Variants in CPNE4 observed in about 807,000 individuals in gnomAD.
CPNE4 encodes copine 4, also known as copine-4.
Under a neutral mutation model 67.9 loss-of-function variants are expected in CPNE4, and 25 were observed. The observed-to-expected ratio is 0.37, with a 90% CI of 0.27 to 0.51. CPNE4 has a LOEUF of 0.51. Among genes scored for constraint, CPNE4 ranks in the 20% least tolerant of loss-of-function variants. CPNE4 has a pLI of 0.93. For missense variants in CPNE4, 464 were observed against 690.8 expected (o/e 0.67, Z 3.68); for synonymous variants, 242 against 244.9 (o/e 0.99, Z 0.11).
intron 2 of CPNE4, among the ~76,000 whole-genome samples, chr3:131,764,593 T>TG (rs1398910237): frequency 5.3e-5 from 8 of 152,106 alleles, no homozygotes; most frequent in African/African-American, 1.9e-4. Flanking sequence ...CAGTATACAT[T>TG]GTTACACTCC....
chr3:131,681,256 A>T (rs1015222195), intron 6 of CPNE4, among the ~76,000 whole-genome samples: 1 of 152,134 alleles, frequency 6.6e-6, no homozygotes, highest in Non-Finnish European at 1.5e-5. Flanking sequence ...CCTTCAGATG[A>T]TTTCTTATTG....
chr3:131,874,280 G>A (rs1216220116), intron 2 of CPNE4, among the ~76,000 whole-genome samples: 1 of 152,040 alleles, frequency 6.6e-6, no homozygotes, highest in Non-Finnish European at 1.5e-5. Context: ...AGTAGAGACG[G>A]GGTTGCACCA....
At chr3:131,934,146 GT>G (rs974900561) in intron 1 of CPNE4, among the ~76,000 whole-genome samples, 4 of 152,090 alleles carry the variant, frequency 2.6e-5, no homozygotes, top group African/African-American at 9.7e-5. Flanking sequence ...ATAGAACTAT[GT>G]TAAATGCTGT....
At chr3:131,712,137 A>C (rs2081573631) in intron 3 of CPNE4, among the ~76,000 whole-genome samples, 1 of 152,218 alleles carries the variant, frequency 6.6e-6, no homozygotes, top group African/African-American at 2.4e-5. Context: ...CACAATGTTT[A>C]CGTGTCTTAC....
intron 1 of CPNE4, among the ~76,000 whole-genome samples, chr3:132,029,223 G>A (rs2074186251): frequency 6.6e-6 from 1 of 152,264 alleles, no homozygotes; most frequent in Middle Eastern, 3.4e-3. Context: ...CCTGTCACGA[G>A]GAGTTTTGAG....
intron 2 of CPNE4, among the ~76,000 whole-genome samples, chr3:131,883,239 C>A (rs2087750617): frequency 6.6e-6 from 1 of 152,116 alleles, no homozygotes; most frequent in Non-Finnish European, 1.5e-5. Flanking sequence ...TTGATGCAAC[C>A]TCAATCTGGA....
At chr3:131,792,896 T>TGTG (rs1185346264) in intron 2 of CPNE4, among the ~76,000 whole-genome samples, 1 of 78,122 alleles carries the variant, frequency 1.3e-5, no homozygotes, top group African/African-American at 4.7e-5. Flanking sequence ...ATTTCCAGTG[T>TGTG]GTGTGTGTGT....
chr3:131,958,347 T>C (rs1255121710), intron 1 of CPNE4, among the ~76,000 whole-genome samples: 3 of 152,138 alleles, frequency 2.0e-5, no homozygotes, highest in Admixed American at 6.5e-5. Flanking sequence ...ATCACACCAA[T>C]GGTCTCAGTG....
chr3:131,843,525 A>G (rs1240374843), intron 2 of CPNE4, among the ~76,000 whole-genome samples: 1 of 152,206 alleles, frequency 6.6e-6, no homozygotes, highest in Non-Finnish European at 1.5e-5. Context: ...TACATTTTTA[A>G]AAGATGAAGT....
intron 7 of CPNE4, among the ~76,000 whole-genome samples, chr3:131,608,960 T>G (rs894501549): frequency 6.6e-6 from 1 of 152,086 alleles, no homozygotes; most frequent in Non-Finnish European, 1.5e-5. Context: ...ATGCTCTTCC[T>G]TCTGCCTGGA....
At chr3:131,880,850 C>T (rs4854852) in intron 2 of CPNE4, among the ~76,000 whole-genome samples, 96,360 of 152,044 alleles carry the variant, frequency 0.63, 30,763 homozygotes, top group Admixed American at 0.72. Context: ...ACACAAGATG[C>T]GTTATAATAG....
At chr3:131,880,803 TC>T (rs2087645393) in intron 2 of CPNE4, among the ~76,000 whole-genome samples, 1 of 152,218 alleles carries the variant, frequency 6.6e-6, no homozygotes, top group South Asian at 2.1e-4. Context: ...TAAGTACCAT[TC>T]TTTAGATAAG....
rs1553794943 is a variant in CPNE4 at position 131,876,653 on chromosome 3, A to AAAGAAAG, written c.180+28610_180+28611insCTTTCTT. ...CAAGACTCCGTCTCAAAAAAAAAAA[A>AAAGAAAG]AAAGAAAGAAAGAAAGAGACATTCT... On this transcript the variant is annotated intron_variant, in intron 2 of 15. Transcript: ENST00000429747. 8.2e-4 allele frequency among the ~76,000 whole-genome samples: 116 copies of AAAGAAAG among 140,758 alleles called. 1 individual carries two copies. Among genetic ancestry groups the AAAGAAAG allele is most frequent in the Middle Eastern group, 3.8e-3 (1 of 264 alleles). 92.3% of individuals were successfully genotyped at this position (140,758 alleles called of 152,430 possible). A position where few individuals can be genotyped will look rare whatever the true frequency, so the allele number is the denominator to read the frequency against.
At chr3:132,035,694 G>A (rs1247472096), upstream of CPNE4, among the ~76,000 whole-genome samples, 1 of 152,134 alleles carries the variant, frequency 6.6e-6, no homozygotes, top group East Asian at 1.9e-4. Flanking sequence ...TCAGACAAAT[G>A]AACTTATTCA....
chr3:131,986,942 T>C (rs2073064423), intron 1 of CPNE4, among the ~76,000 whole-genome samples: 1 of 150,854 alleles, frequency 6.6e-6, no homozygotes, highest in Admixed American at 6.6e-5. Flanking sequence ...TACAATCCCC[T>C]AAGAATTTTC....
intron 2 of CPNE4, among the ~76,000 whole-genome samples, chr3:131,741,923 T>C (rs2082367216): frequency 6.6e-6 from 1 of 152,180 alleles, no homozygotes; most frequent in African/African-American, 2.4e-5. Flanking sequence ...CATAAAAAGA[T>C]ATGTGCAGGA....
intron 1 of CPNE4, among the ~76,000 whole-genome samples, chr3:132,028,401 GCCTCAAGTTTTTATGTTT>G (rs931158819): frequency 4.6e-5 from 7 of 152,090 alleles, no homozygotes; most frequent in Non-Finnish European, 8.8e-5. Context: ...GTCTGCCTGT[GCCTCAAGTTTTTATGTTT>G]ATCCCCAGTG....
intron 1 of CPNE4, among the ~76,000 whole-genome samples, chr3:131,957,633 C>T (rs1019301595): frequency 5.9e-5 from 9 of 152,208 alleles, no homozygotes; most frequent in African/African-American, 2.2e-4. Context: ...CTCATGCCTT[C>T]CAGTTCCCTC....
At chr3:131,875,965 A>G (rs2087427412) in intron 2 of CPNE4, among the ~76,000 whole-genome samples, 1 of 152,192 alleles carries the variant, frequency 6.6e-6, no homozygotes, top group South Asian at 2.1e-4. Context: ...TGTTGGTTGG[A>G]ATTTTCATTG....
Sources: gnomAD v4.1 joint callset for allele counts (sites outside exome capture counted in the v4.1 genomes callset) on GRCh38, gnomAD v4.1.1 for gene constraint, MANE v1.5 for transcripts, NCBI Gene and HGNC (gene_info 2026-07-23, HGNC 2026-07-21) for gene names.